ATP8A2: variants seen among roughly 807,000 people sequenced by gnomAD.
ATP8A2 encodes the protein phospholipid-transporting ATPase IB.
In ATP8A2, 100 loss-of-function variants were observed where a neutral mutation model predicts 165.6. That is an observed-to-expected ratio of 0.60 (90% CI 0.51 to 0.71). The LOEUF is 0.71. Ranked by LOEUF, ATP8A2 falls within the 30% of genes least tolerant of loss-of-function variation. ATP8A2 has a pLI of 0.00. For missense variants in ATP8A2, 1,227 were observed against 1,479.5 expected (o/e 0.83, Z 2.80); for synonymous variants, 543 against 548.8 (o/e 0.99, Z 0.15).
chr13:25,508,819 C>A (rs897015251), intron 2 of ATP8A2, among the ~76,000 whole-genome samples: 13 of 152,212 alleles, frequency 8.5e-5, no homozygotes. Context: ...GGGGACCTTA[C>A]CAATGTAGAC....
At chr13:25,627,263 C>T (rs1462781245) in intron 24 of ATP8A2, among the ~76,000 whole-genome samples, 1 of 152,010 alleles carries the variant, frequency 6.6e-6, no homozygotes, top group Non-Finnish European at 1.5e-5. Flanking sequence ...GCAAAATGAG[C>T]CCAGTGAGGT....
Position 25,698,873 on chromosome 13 carries a change from A to G in ATP8A2, c.2212-300A>G, listed in dbSNP as rs1409401618. On this transcript the variant is annotated intron_variant, in intron 24 of 36. Transcript: ENST00000381655. Reference sequence around the variant, plus strand: ...ATAATGCTATCTTTCCCCAAAAAGCACATTTGTTTATATGGAGTTTTCTAT... The same window carrying G: ...ATAATGCTATCTTTCCCCAAAAAGCGCATTTGTTTATATGGAGTTTTCTAT... Among the ~76,000 whole-genome samples, 4 of 152,192 alleles carry G rather than the reference A, an allele frequency of 2.6e-5. No homozygotes were observed. In the South Asian group the frequency reaches 6.2e-4, roughly 24 times the overall value.
intron 27 of ATP8A2, among the ~76,000 whole-genome samples, chr13:25,819,603 T>C (rs1191034783): frequency 1.3e-5 from 2 of 152,164 alleles, no homozygotes; most frequent in Non-Finnish European, 2.9e-5. Context: ...TAGGTGTTTC[T>C]AGTTCATAGA....
At chr13:25,621,544 C>A (rs995495016) in intron 24 of ATP8A2, among the ~76,000 whole-genome samples, 1 of 152,086 alleles carries the variant, frequency 6.6e-6, no homozygotes, top group Non-Finnish European at 1.5e-5. Context: ...GAAATCCGTC[C>A]TGCCTTTTTA....
intron 24 of ATP8A2, among the ~76,000 whole-genome samples, chr13:25,666,159 A>G (rs1369963971): frequency 2.0e-5 from 3 of 151,914 alleles, no homozygotes; most frequent in Admixed American, 1.3e-4. Flanking sequence ...CATTTTAATT[A>G]TTGAATCTTA....
At chr13:25,698,959 A>G (rs2042892565) in intron 24 of ATP8A2, among the ~76,000 whole-genome samples, 1 of 152,176 alleles carries the variant, frequency 6.6e-6, no homozygotes, top group Admixed American at 6.5e-5. Context: ...GTAAATTTCT[A>G]ACAGATCTCA....
chr13:25,950,897 C>G (rs1955337469), intron 33 of ATP8A2: 1 of 152,212 alleles, frequency 6.6e-6, no homozygotes, highest in South Asian at 2.1e-4. Context: ...GAATAGCTCA[C>G]AGGGTGGTGG....
chr13:25,591,275 C>T (rs1409456128), intron 24 of ATP8A2: 1 of 456,446 alleles, frequency 2.2e-6, no homozygotes, highest in Non-Finnish European at 4.4e-6. Flanking sequence ...TCTTCCCAAA[C>T]CAAAATTCTG....
chr13:25,506,959 A>ATATATATATATATC (rs965878307), intron 2 of ATP8A2, among the ~76,000 whole-genome samples: 6 of 145,940 alleles, frequency 4.1e-5, no homozygotes, highest in African/African-American at 1.5e-4. Flanking sequence ...ATATATATAT[A>ATATATATATATATC]TATCTTATTT....
chr13:25,862,527 C>A, intron 33 of ATP8A2, 119 bp downstream of exon 33: 1 of 738,248 alleles, frequency 1.4e-6, no homozygotes. Context: ...AGAGGCTGGT[C>A]CTTCCTGCTT....
intron 2 of ATP8A2, among the ~76,000 whole-genome samples, chr13:25,507,258 TG>T (rs2037076733): frequency 1.2e-5 from 1 of 85,390 alleles, no homozygotes; most frequent in South Asian, 4.4e-4. Flanking sequence ...TGTGTGTGTG[TG>T]TGTGTATTTT....
At chr13:25,457,428 G>T (rs890495095) in intron 1 of ATP8A2, among the ~76,000 whole-genome samples, 1 of 152,126 alleles carries the variant, frequency 6.6e-6, no homozygotes, top group African/African-American at 2.4e-5. Context: ...TCATATTAAT[G>T]ATTCTTATAG....
At chr13:25,418,699 A>G (rs1226910103) in intron 1 of ATP8A2, among the ~76,000 whole-genome samples, 1 of 151,876 alleles carries the variant, frequency 6.6e-6, no homozygotes, top group Admixed American at 6.6e-5. Context: ...TCTACAGACA[A>G]GGATGATTTT....
At position 25,769,142 on chromosome 13, in the gene ATP8A2, G is replaced by A. The variant is rs367559677; in HGVS notation, c.2481G>A (p.Gly827=). 1.2e-5 allele frequency: 20 copies of A among 1,614,170 alleles called. No homozygotes were observed. In the African/African-American group the frequency reaches 1.9e-4, roughly 15 times the overall value. ...TCGGAGACGGCGCCAACGATGTCGGGATGATCCAGACAGCCCACGTGGGTG... is the reference window on the plus strand; with the variant it reads ...TCGGAGACGGCGCCAACGATGTCGGAATGATCCAGACAGCCCACGTGGGTG... ...LAIGDGANDV[G]MIQTAHVGVG... is the part of the protein sequence containing the mutation. Residue 827 remains glycine, a synonymous_variant, in exon 26 of 37, where the codon GGG becomes GGA. Transcript: ENST00000381655.
intron 24 of ATP8A2, among the ~76,000 whole-genome samples, chr13:25,625,608 T>C (rs371387316): frequency 1.3e-5 from 2 of 152,230 alleles, no homozygotes; most frequent in Non-Finnish European, 2.9e-5. Context: ...CGTTTGCCAC[T>C]GCAGATCTCT....
chr13:25,935,393 A>G (rs732271), intron 33 of ATP8A2, among the ~76,000 whole-genome samples: 34,387 of 152,112 alleles, frequency 0.23, 3,924 homozygotes, highest in Admixed American at 0.26. Flanking sequence ...GAAGTGGCTC[A>G]CTATTATAGT....
At chr13:25,686,461 A>G (rs1207694630) in intron 24 of ATP8A2, among the ~76,000 whole-genome samples, 1 of 152,128 alleles carries the variant, frequency 6.6e-6, no homozygotes, top group Non-Finnish European at 1.5e-5. Flanking sequence ...GTATCCCAGT[A>G]TCAGGGAGGC....
chr13:26,004,044 C>G (rs1566344503), intron 35 of ATP8A2, among the ~76,000 whole-genome samples: 1 of 152,016 alleles, frequency 6.6e-6, no homozygotes, highest in East Asian at 1.9e-4. Context: ...ATCTTTTTCT[C>G]TTTCTGTGAA....
chr13:25,806,360 G>A (rs924618782), intron 27 of ATP8A2, among the ~76,000 whole-genome samples: 30 of 152,002 alleles, frequency 2.0e-4, no homozygotes, highest in Non-Finnish European at 4.4e-5. Flanking sequence ...GCTTCAAAAG[G>A]CCACCTCTCA....
Sources: gnomAD v4.1 joint callset for allele counts (sites outside exome capture counted in the v4.1 genomes callset) on GRCh38, gnomAD v4.1.1 for gene constraint, MANE v1.5 for transcripts, NCBI Gene and HGNC (gene_info 2026-07-23, HGNC 2026-07-21) for gene names.